The following PIEZO1 variants were observed in gnomAD, a reference collection of about 807,000 sequenced individuals.
PIEZO1 encodes piezo-type mechanosensitive ion channel component 1.
A neutral mutation model predicts 297.2 loss-of-function variants in PIEZO1; 296 were observed. The ratio of observed to expected loss-of-function variants is 1.00; its 90% CI spans 0.91 to 1.10. PIEZO1 has a LOEUF of 1.10. Ranked by LOEUF, PIEZO1 falls within the 50% of genes least tolerant of loss-of-function variation. PIEZO1 has a pLI of 0.00. For missense variants in PIEZO1, 5,018 were observed against 3,455.5 expected, an observed-to-expected ratio of 1.45 and a Z score of -11.34; for synonymous variants, 2,427 against 1,507.5, an observed-to-expected ratio of 1.61 and a Z score of -14.13.
At chr16:88,738,947 G>A (rs1905449846) in intron 5 of PIEZO1, 2 of 591,528 alleles carry the variant, frequency 3.4e-6, no homozygotes, top group South Asian at 2.0e-5. Flanking sequence ...CACAGTTCCT[G>A]CAGGCCTTCC....
At chr16:88,737,253 C>T in intron 10 of PIEZO1, 2 of 356,210 alleles carry the variant, frequency 5.6e-6, no homozygotes, top group South Asian at 5.6e-5. Flanking sequence ...CACAAGACAG[C>T]ATAGCCACAT....
chr16:88,733,265 CG>C lies in PIEZO1; in HGVS notation c.2664+12del. ...TGGAGCTTCCTCCCGTCCCAGCCCT[CG>C]GGGGCCGGTACCTCGGTGCAGTTGC... On this transcript the variant is annotated intron_variant, in intron 19 of 50. Transcript: ENST00000301015. 6.5e-7 allele frequency: 1 copy of C among 1,535,130 alleles called. No homozygotes were observed. The highest frequency in any genetic ancestry group is 8.8e-7 in the Non-Finnish European group (1 of 1,134,474).
At position 88,721,278 on chromosome 16, in the gene PIEZO1, G is replaced by C. The variant is rs750862138; in HGVS notation, c.5556C>G (p.Asp1852Glu). ...GCTCCACTTGGGGTTCTGGGGTCCC[G>C]TCCGTGGGTCCGACCCTGGCTTCCA... Reference protein sequence around the residue: ...IQVEARVGPTDGTPEPQVELR... With the variant: ...IQVEARVGPTEGTPEPQVELR... Residue 1852 changes from aspartate (D) to glutamate (E), a missense_variant, in exon 39 of 51, where the codon GAC becomes GAG. Transcript: ENST00000301015. 7.5e-5 allele frequency: 116 copies of C among 1,544,222 alleles called. No individual in the cohort carries two copies. Among genetic ancestry groups the C allele is most frequent in the Non-Finnish European group, 9.9e-5 (114 of 1,146,620 alleles).
intron 1 of PIEZO1, among the ~76,000 whole-genome samples, chr16:88,752,060 G>C (rs1051787975): frequency 7.9e-5 from 12 of 152,246 alleles, no homozygotes; most frequent in African/African-American, 2.7e-4. Flanking sequence ...GGAGGCCAGG[G>C]AGGTGGTGCC....
intron 12 of PIEZO1, 46 bp downstream of exon 12, chr16:88,736,102 G>T (rs1004034082): frequency 2.0e-6 from 3 of 1,497,594 alleles, no homozygotes; most frequent in African/African-American, 1.4e-5. Context: ...CAACCCTGAT[G>T]GGTCTGCGCA....
At position 88,716,660 on chromosome 16, in the gene PIEZO1, C is replaced by A; in HGVS notation, c.6825G>T (p.Gly2275=). 1 of 1,549,320 alleles carries A rather than the reference C, an allele frequency of 6.5e-7. No individual in the cohort carries two copies. The highest frequency in any genetic ancestry group is 8.7e-7 in the Non-Finnish European group (1 of 1,146,926). Residue 2275 remains glycine, a synonymous_variant, in exon 47 of 51, where the codon GGG becomes GGT. Transcript: ENST00000301015. ...TGGGGGGACTGATGCGCCACAGCGCCCCGGAGCTGCCCTCAATCTGCGCCG... is the reference window on the plus strand; with the variant it reads ...TGGGGGGACTGATGCGCCACAGCGCACCGGAGCTGCCCTCAATCTGCGCCG... ...IVTAQIEGSS[G]ALWRISPPSR... is the part of the protein sequence containing the mutation.
intron 1 of PIEZO1, among the ~76,000 whole-genome samples, chr16:88,768,436 G>A (rs894995921): frequency 2.0e-5 from 3 of 152,202 alleles, no homozygotes; most frequent in African/African-American, 4.8e-5. Context: ...AAACCTATGC[G>A]CGTGCTCAGT....
chr16:88,716,780 G>C (rs1912071216), intron 46 of PIEZO1, 26 bp downstream of exon 46: 1 of 1,549,424 alleles, frequency 6.5e-7, no homozygotes, highest in Non-Finnish European at 8.7e-7. Flanking sequence ...CCCCACACCA[G>C]CTTTCACAGG....
chr16:88,735,377 C>G (rs911728235), intron 12 of PIEZO1, 131 bp from the exon 13 acceptor site: 2 of 671,768 alleles, frequency 3.0e-6, no homozygotes, highest in East Asian at 5.4e-5. Context: ...TCCACCGCAG[C>G]CTCCCCACAG....
In PIEZO1 at chr16:88,716,631, C is replaced by T. The variant is rs775401667; in HGVS notation, c.6854G>A (p.Arg2285His). ...GALWRISPPSRAQMKRELYNG... is the reference protein window; with the variant it reads ...GALWRISPPSHAQMKRELYNG... ...GTAGAGCTCCCGCTTCATCTGGGCA[C>T]GGCTGGGGGGACTGATGCGCCACAG... The change falls in exon 47 of 51, where the codon CGT becomes CAT. Residue 2285 changes from arginine to histidine, a missense_variant. Coordinates refer to ENST00000301015, the MANE Select transcript of PIEZO1 (RefSeq NM_001142864.4). The T allele has an allele frequency of 6.1e-5, 94 of 1,549,738 alleles. No individual in the cohort carries two copies. The highest frequency in any genetic ancestry group is 4.9e-4 in the Admixed American group (25 of 50,988).
At chr16:88,770,168 G>A (rs1227541952) in intron 1 of PIEZO1, among the ~76,000 whole-genome samples, 2 of 152,024 alleles carry the variant, frequency 1.3e-5, no homozygotes, top group South Asian at 2.1e-4. Flanking sequence ...GTCTTCCCAA[G>A]CCTCGGTCTG....
chr16:88,755,129 C>G (rs1182704073), intron 1 of PIEZO1, among the ~76,000 whole-genome samples: 1 of 152,192 alleles, frequency 6.6e-6, no homozygotes, highest in Non-Finnish European at 1.5e-5. Context: ...TCCTGTGGCA[C>G]TAGCCGAGGA....
intron 16 of PIEZO1, 77 bp from the exon 17 acceptor site, chr16:88,734,131 C>T (rs1259506634): frequency 2.9e-5 from 42 of 1,443,104 alleles, no homozygotes; most frequent in African/African-American, 1.3e-4. Context: ...GAAGCCCTGT[C>T]GGCACCGCTT....
chr16:88,783,352 G>T (rs551598508), intron 1 of PIEZO1, among the ~76,000 whole-genome samples: 5 of 152,300 alleles, frequency 3.3e-5, no homozygotes, highest in African/African-American at 1.2e-4. Flanking sequence ...AGAAGAAGAA[G>T]ATTTTGTGAC....
chr16:88,718,041 C>T, intron 44 of PIEZO1: 1 of 291,472 alleles, frequency 3.4e-6, no homozygotes, highest in Non-Finnish European at 6.7e-6. Flanking sequence ...GAAGGTCATG[C>T]CACTGCACTT....
At chr16:88,757,327 T>TGGGGGGGGGGGGGGGGGGGGG (rs200851830) in intron 1 of PIEZO1, among the ~76,000 whole-genome samples, 1 of 42,700 alleles carries the variant, frequency 2.3e-5, no homozygotes, top group Non-Finnish European at 5.2e-5. Flanking sequence ...GGCGGGGGGG[T>TGGGGGGGGGGGGGGGGGGGGG]GGGGGGTAGT....
At chr16:88,776,850 T>C (rs1567489329) in intron 1 of PIEZO1, among the ~76,000 whole-genome samples, 1 of 152,178 alleles carries the variant, frequency 6.6e-6, no homozygotes, top group Non-Finnish European at 1.5e-5. Flanking sequence ...GCTGCTGCTG[T>C]CTGTCCCAAG....
chr16:88,736,082 A>G lies in PIEZO1; in HGVS notation c.1557+66T>C, dbSNP rs1251535313. 4 of 1,447,492 alleles carry G rather than the reference A, an allele frequency of 2.8e-6. No homozygotes were observed. In the Admixed American group the frequency reaches 8.6e-5, roughly 31 times the overall value. 89.7% of individuals were successfully genotyped at this position (1,447,492 alleles called of 1,614,324 possible). On this transcript the variant is annotated intron_variant, in intron 12 of 50. Transcript: ENST00000301015. ...CACTCCCCCGGGCAAGTGGACATTG[A>G]ACAGGACGACAACCCTGATGGGTCT...
rs186094610 is a variant in PIEZO1, at chr16:88,732,777, C to T, written c.2665-45G>A. On this transcript the variant is annotated intron_variant, in intron 19 of 50. Coordinates refer to ENST00000301015, the MANE Select transcript of PIEZO1 (RefSeq NM_001142864.4). ...CAGTGCCCCCTCCCAGGCCACAGTG[C>T]CCCCTGGCCCTGCCCGGAGCCCACC... 1.1e-4 allele frequency: 171 copies of T among 1,491,178 alleles called. No homozygotes were observed. In the African/African-American group the frequency reaches 2.0e-3, roughly 17 times the overall value. The allele number at this position is 1,491,178 out of a possible 1,614,324, so 92.4% of individuals were successfully genotyped here.
Sources: gnomAD v4.1 joint callset for allele counts (sites outside exome capture counted in the v4.1 genomes callset) on GRCh38, gnomAD v4.1.1 for gene constraint, MANE v1.5 for transcripts, NCBI Gene and HGNC (gene_info 2026-07-23, HGNC 2026-07-21) for gene names.